PTPRQ: variants seen among roughly 807,000 people sequenced by gnomAD.
PTPRQ encodes protein tyrosine phosphatase receptor type Q.
In PTPRQ, 199 loss-of-function variants were observed where a neutral mutation model predicts 246.0. The ratio of observed to expected loss-of-function variants is 0.81; its 90% CI spans 0.72 to 0.91. The LOEUF (loss-of-function observed/expected upper bound fraction) is 0.91, where lower values mean the gene tolerates loss of function less well. Among genes scored for constraint, PTPRQ ranks in the 40% least tolerant of loss-of-function variants. The pLI, the probability that PTPRQ is intolerant of heterozygous loss-of-function variation, is 0.00. For missense variants in PTPRQ, 2,624 were observed against 2,528.4 expected, an observed-to-expected ratio of 1.04 and a Z score of -0.81; for synonymous variants, 869 against 853.2, an observed-to-expected ratio of 1.02 and a Z score of -0.32.
intron 3 of PTPRQ, among the ~76,000 whole-genome samples, chr12:80,455,736 G>A (rs1031542405): frequency 1.1e-4 from 17 of 151,196 alleles, no homozygotes; most frequent in South Asian, 1.0e-3. Context: ...GACTAGAGGC[G>A]CCCGCCACCA....
At chr12:80,559,295 C>T (rs1896757331) in intron 25 of PTPRQ, among the ~76,000 whole-genome samples, 2 of 152,200 alleles carry the variant, frequency 1.3e-5, no homozygotes, top group South Asian at 4.1e-4. Flanking sequence ...CCGCCCACCT[C>T]GGCCTCCCAA....
chr12:80,571,769 C>T (rs774576014), intron 25 of PTPRQ, among the ~76,000 whole-genome samples: 1 of 151,628 alleles, frequency 6.6e-6, no homozygotes, highest in Admixed American at 6.6e-5. Context: ...TTTAAAGATA[C>T]TTTTATTTAT....
chr12:80,501,336 G>T (rs1370635983), intron 14 of PTPRQ, among the ~76,000 whole-genome samples: 2 of 151,982 alleles, frequency 1.3e-5, no homozygotes, highest in Admixed American at 1.3e-4. Context: ...AGAGAAAAAT[G>T]AAGATAAACT....
intron 3 of PTPRQ, among the ~76,000 whole-genome samples, chr12:80,449,155 T>G (rs1195998666): frequency 2.6e-5 from 4 of 151,418 alleles, no homozygotes; most frequent in African/African-American, 2.4e-5. Flanking sequence ...ATGTGTTTTT[T>G]GGCTGCATAA....
intron 28 of PTPRQ, among the ~76,000 whole-genome samples, chr12:80,611,187 G>A (rs1272669333): frequency 6.7e-6 from 1 of 150,078 alleles, no homozygotes; most frequent in African/African-American, 2.4e-5. Flanking sequence ...TTATGAACAG[G>A]GTCTGAATGA....
At chr12:80,496,207 C>T in intron 13 of PTPRQ, 43 bp from the exon 14 acceptor site, 1 of 1,541,760 alleles carries the variant, frequency 6.5e-7, no homozygotes. Flanking sequence ...CAACAAACAT[C>T]AATAAAAATA....
At chr12:80,535,815 T>C (rs1895968880) in intron 19 of PTPRQ, among the ~76,000 whole-genome samples, 1 of 152,170 alleles carries the variant, frequency 6.6e-6, no homozygotes, top group Non-Finnish European at 1.5e-5. Context: ...GGAATATAAT[T>C]AGAAAAACAC....
chr12:80,542,769 G>A lies in PTPRQ; in HGVS notation c.3761G>A (p.Cys1254Tyr). 1.9e-6 allele frequency: 3 copies of A among 1,549,036 alleles called. No individual in the cohort carries two copies. Among genetic ancestry groups the A allele is most frequent in the Non-Finnish European group, 2.6e-6 (3 of 1,145,906 alleles). Residue 1254 changes from cysteine (C) to tyrosine (Y), a missense_variant, in exon 23 of 45, where the codon TGT (cysteine) becomes TAT (tyrosine). Coordinates refer to ENST00000644991, the MANE Select transcript of PTPRQ (RefSeq NM_001145026.2). ...APPQNLTLIN[C>Y]TSDFVWLKWS... The stretch of plus-strand genomic sequence containing the variant: ...CCACAAAATTTGACTTTAATCAACT[G>A]TACTTCAGACTTTGTATGGCTGAAA...
At chr12:80,484,311 C>T (rs530297354) in intron 8 of PTPRQ, 122 bp from the exon 9 acceptor site, 1 of 1,245,070 alleles carries the variant, frequency 8.0e-7, no homozygotes, top group East Asian at 2.6e-5. Flanking sequence ...CTAGCCTAGT[C>T]TGTTTTCTAA....
At chr12:80,491,993 G>A (rs1166168685) in intron 9 of PTPRQ, among the ~76,000 whole-genome samples, 1 of 151,724 alleles carries the variant, frequency 6.6e-6, no homozygotes, top group Admixed American at 6.6e-5. Context: ...TAAAAAAAGG[G>A]GTTTTGGAGG....
intron 41 of PTPRQ, among the ~76,000 whole-genome samples, chr12:80,669,765 T>C (rs919940847): frequency 6.6e-6 from 1 of 152,062 alleles, no homozygotes; most frequent in Non-Finnish European, 1.5e-5. Context: ...TTTTATCTAA[T>C]GAAGAAACTG....
intron 39 of PTPRQ, among the ~76,000 whole-genome samples, chr12:80,665,584 A>G (rs1247017868): frequency 5.9e-5 from 9 of 152,054 alleles, no homozygotes; most frequent in Non-Finnish European, 1.3e-4. Context: ...AGGCAGTAAA[A>G]GCAAAAATAT....
chr12:80,610,111 A>G (rs1253916424), intron 27 of PTPRQ, among the ~76,000 whole-genome samples: 3 of 150,560 alleles, frequency 2.0e-5, no homozygotes, highest in African/African-American at 7.3e-5. Context: ...ATTAGGTACC[A>G]AAACCTCTAT....
chr12:80,675,490 A>C (rs1901106257), intron 43 of PTPRQ, among the ~76,000 whole-genome samples: 1 of 152,214 alleles, frequency 6.6e-6, no homozygotes, highest in African/African-American at 2.4e-5. Context: ...CTAGGTGTAC[A>C]CATAGACACT....
intron 26 of PTPRQ, among the ~76,000 whole-genome samples, chr12:80,593,092 A>G (rs920909035): frequency 6.6e-6 from 1 of 152,222 alleles, no homozygotes; most frequent in Non-Finnish European, 1.5e-5. Flanking sequence ...AGAAAAGACT[A>G]AACAACAATA....
chr12:80,550,411 G>A (rs556762148), intron 25 of PTPRQ, among the ~76,000 whole-genome samples: 1 of 152,116 alleles, frequency 6.6e-6, no homozygotes, highest in Non-Finnish European at 1.5e-5. Context: ...TCTTGGAAAC[G>A]TCTTTCAAGC....
intron 25 of PTPRQ, among the ~76,000 whole-genome samples, chr12:80,580,917 T>C (rs1897414560): frequency 6.6e-6 from 1 of 152,222 alleles, no homozygotes; most frequent in Non-Finnish European, 1.5e-5. Context: ...TTAGTGGTTT[T>C]TCTTTTTAAG....
chr12:80,641,704 A>T (rs12300040), intron 35 of PTPRQ, among the ~76,000 whole-genome samples: 9,219 of 152,254 alleles, frequency 0.061, 352 homozygotes, highest in South Asian at 0.18. Context: ...CACATTACAC[A>T]TAAAATATCA....
At chr12:80,658,786 T>G (rs1900532619) in intron 39 of PTPRQ, among the ~76,000 whole-genome samples, 2 of 152,040 alleles carry the variant, frequency 1.3e-5, no homozygotes, top group South Asian at 4.1e-4. Flanking sequence ...TTCATTATGG[T>G]GAATCTACAA....
Sources: gnomAD v4.1 joint callset for allele counts (sites outside exome capture counted in the v4.1 genomes callset) on GRCh38, gnomAD v4.1.1 for gene constraint, MANE v1.5 for transcripts, NCBI Gene and HGNC (gene_info 2026-07-23, HGNC 2026-07-21) for gene names.